MAPDA: variants seen among roughly 807,000 people sequenced by gnomAD.
The protein encoded by MAPDA is N6-Methyl-AMP deaminase, also known as N6,N6-dimethyl-AMP deaminase.
At chr15:43,351,055 T>C in the MAPDA span, 1 of 1,549,736 alleles carries the variant, frequency 6.5e-7, no homozygotes, top group South Asian at 1.2e-5. Context: ...AGGTGTTCCG[T>C]GTGAAGTATT....
the MAPDA span, chr15:43,348,989 G>A: frequency 1.2e-6 from 2 of 1,614,196 alleles, no homozygotes; most frequent in African/African-American, 2.7e-5. Flanking sequence ...CTCAACTCCG[G>A]TGAGGGAGGA....
the MAPDA span, chr15:43,349,097 TCCCCAGGTTGCCTG>T: frequency 8.7e-6 from 14 of 1,612,134 alleles, no homozygotes; most frequent in Non-Finnish European, 1.2e-5. Flanking sequence ...TCTCCCCCAA[TCCCCAGGTTGCCTG>T]GGGATTACAG....
the MAPDA span, among the ~76,000 whole-genome samples, chr15:43,344,825 A>G: frequency 1.3e-5 from 2 of 151,662 alleles, no homozygotes; most frequent in African/African-American, 4.9e-5. Flanking sequence ...AAAAAAAAGA[A>G]ATATTAACAG....
the MAPDA span, chr15:43,352,222 G>C: frequency 3.3e-6 from 1 of 303,400 alleles, no homozygotes; most frequent in Non-Finnish European, 6.0e-6. Flanking sequence ...CCCTATTAGT[G>C]ATCATAAAAT....
the MAPDA span, among the ~76,000 whole-genome samples, chr15:43,344,369 GA>G: frequency 6.7e-5 from 10 of 149,184 alleles, no homozygotes; most frequent in South Asian, 6.3e-4. Context: ...GTTGCTAAGT[GA>G]AAAAAAAAGA....
the MAPDA span, chr15:43,349,188 C>A: frequency 2.4e-5 from 35 of 1,447,844 alleles, no homozygotes; most frequent in South Asian, 4.9e-4. Flanking sequence ...GCTTTCTGAG[C>A]CTTATTTAAA....
chr15:43,346,331 C>A, the MAPDA span, among the ~76,000 whole-genome samples: 1 of 152,176 alleles, frequency 6.6e-6, no homozygotes, highest in African/African-American at 2.4e-5. Flanking sequence ...TTAACTGTCT[C>A]ATAGATAGTT....
the MAPDA span, chr15:43,340,116 C>A: frequency 1.5e-6 from 1 of 668,674 alleles, no homozygotes; most frequent in Non-Finnish European, 2.5e-6. Flanking sequence ...AGGGATGTGA[C>A]AAAGTGGATA....
chr15:43,334,631 AATTATATATATATATAT>A, the MAPDA span, among the ~76,000 whole-genome samples: 4 of 77,182 alleles, frequency 5.2e-5, no homozygotes, highest in African/African-American at 3.4e-4. Flanking sequence ...GTCTCAAAAA[AATTATATATATATATAT>A]ATATATATAT....
the MAPDA span, chr15:43,342,957 G>T: frequency 2.1e-6 from 3 of 1,421,360 alleles, no homozygotes; most frequent in South Asian, 1.3e-5. Context: ...AATAGTTGAT[G>T]ATCTCTTTAC....
the MAPDA span, chr15:43,330,791 G>A: frequency 1.6e-5 from 5 of 309,048 alleles, no homozygotes; most frequent in Non-Finnish European, 2.4e-5. Flanking sequence ...GGGTTGTCAC[G>A]TTTCTACAAG....
At chr15:43,342,559 G>A in the MAPDA span, among the ~76,000 whole-genome samples, 1 of 151,668 alleles carries the variant, frequency 6.6e-6, no homozygotes, top group Non-Finnish European at 1.5e-5. Flanking sequence ...AGACCAGCTT[G>A]GGCAACATAG....
the MAPDA span, among the ~76,000 whole-genome samples, chr15:43,337,639 A>C: frequency 6.6e-6 from 1 of 152,232 alleles, no homozygotes. Flanking sequence ...ATGCAAAGAA[A>C]GTATAACCTG....
At chr15:43,335,272 T>A in the MAPDA span, 1 of 1,256,946 alleles carries the variant, frequency 8.0e-7, no homozygotes, top group African/African-American at 1.5e-5. Flanking sequence ...CAGTGGCTCA[T>A]GCCTGAAATT....
At chr15:43,330,576 A>T in the MAPDA span, 2 of 1,418,356 alleles carry the variant, frequency 1.4e-6, no homozygotes, top group Non-Finnish European at 1.9e-6. Context: ...CGGTAGGGGG[A>T]AAAAAACCAC....
chr15:43,335,184 T>C, the MAPDA span: 4 of 1,612,084 alleles, frequency 2.5e-6, no homozygotes, highest in Non-Finnish European at 3.4e-6. Flanking sequence ...AGAATTCAAC[T>C]ACAGAAATCT....
the MAPDA span, chr15:43,352,570 G>A: frequency 6.6e-6 from 1 of 152,280 alleles, no homozygotes; most frequent in African/African-American, 2.4e-5. Context: ...AGTCAGGCAC[G>A]GTGGTACACA....
At chr15:43,351,032 T>C in the MAPDA span, 54 of 1,551,398 alleles carry the variant, frequency 3.5e-5, no homozygotes, top group South Asian at 3.7e-4. Context: ...CCCATCCTTC[T>C]GTGATCTGTG....
the MAPDA span, chr15:43,330,474 G>A: frequency 2.0e-6 from 3 of 1,522,060 alleles, no homozygotes; most frequent in South Asian, 2.6e-5. Context: ...CGACGCTCAC[G>A]GCTCCGGGGG....
Sources: gnomAD v4.1 joint callset for allele counts (sites outside exome capture counted in the v4.1 genomes callset) on GRCh38, gnomAD v4.1.1 for gene constraint, MANE v1.5 for transcripts, NCBI Gene and HGNC (gene_info 2026-07-23, HGNC 2026-07-21) for gene names.